COL27A1: variants seen among roughly 807,000 people sequenced by gnomAD.
COL27A1 encodes collagen type XXVII alpha 1 chain.
In COL27A1, 106 loss-of-function variants were observed where a neutral mutation model predicts 251.3. The ratio of observed to expected loss-of-function variants is 0.42; its 90% CI spans 0.36 to 0.50. COL27A1 has a LOEUF of 0.50. Ranked by LOEUF, COL27A1 falls within the 20% of genes least tolerant of loss-of-function variation. The probability of loss-of-function intolerance (pLI) is 0.00; values close to 1 mark genes in which losing one functional copy is unlikely to be tolerated. For synonymous variants in COL27A1, 1,000 were observed against 986.3 expected (o/e 1.01, Z -0.26); for missense variants, 2,325 against 2,522.8 (o/e 0.92, Z 1.68).
chr9:114,185,696 A>G (rs1304653302), intron 5 of COL27A1, among the ~76,000 whole-genome samples: 1 of 152,240 alleles, frequency 6.6e-6, no homozygotes, highest in African/African-American at 2.4e-5. Flanking sequence ...CTCTTCCAGC[A>G]TGGTGTCTGG....
At chr9:114,201,774 G>C (rs1829596812) in intron 7 of COL27A1, among the ~76,000 whole-genome samples, 1 of 152,162 alleles carries the variant, frequency 6.6e-6, no homozygotes, top group South Asian at 2.1e-4. Context: ...CCTGAATAAT[G>C]CTGCAATGAT....
chr9:114,294,011 G>T (rs1169109424), intron 49 of COL27A1, among the ~76,000 whole-genome samples: 1 of 151,822 alleles, frequency 6.6e-6, no homozygotes, highest in African/African-American at 2.4e-5. Context: ...GGCCGAGGTG[G>T]GTGGATCACG....
At chr9:114,300,816 G>C (rs1268003035) in intron 51 of COL27A1, 129 bp downstream of exon 51, 12 of 826,878 alleles carry the variant, frequency 1.5e-5, no homozygotes, top group Non-Finnish European at 2.2e-5. Context: ...CACAGGCCTG[G>C]TTCCCACCTT....
intron 2 of COL27A1, among the ~76,000 whole-genome samples, chr9:114,165,932 A>G (rs1192253264): frequency 1.4e-5 from 2 of 146,936 alleles, no homozygotes; most frequent in Admixed American, 1.4e-4. Flanking sequence ...ACAGCCAGCC[A>G]GCCATCATCC....
intron 37 of COL27A1, 39 bp downstream of exon 37, chr9:114,275,807 G>A (rs1296648454): frequency 7.2e-7 from 1 of 1,395,760 alleles, no homozygotes; most frequent in Non-Finnish European, 9.8e-7. Context: ...GGAGCTCTGG[G>A]GTACCCTGAA....
At position 114,303,747 on chromosome 9, in the gene COL27A1, T is replaced by C. The variant is rs112425213; in HGVS notation, c.4873-861T>C. Among the ~76,000 whole-genome samples, 431 of 152,266 alleles carry C rather than the reference T, an allele frequency of 2.8e-3. 1 individual carries two copies. The highest frequency in any genetic ancestry group is 9.8e-3 in the African/African-American group (407 of 41,546). ...CGTTCTGGACCCCAGGCCTCAGCTTTTGCTGTTTTCATGGCAAGACCACGG... is the reference window on the plus strand; with the variant it reads ...CGTTCTGGACCCCAGGCCTCAGCTTCTGCTGTTTTCATGGCAAGACCACGG... On this transcript the variant is annotated intron_variant, in intron 56 of 60. Coordinates refer to ENST00000356083, the MANE Select transcript of COL27A1 (RefSeq NM_032888.4).
intron 18 of COL27A1, among the ~76,000 whole-genome samples, chr9:114,237,254 C>A (rs529285373): frequency 6.6e-6 from 1 of 152,200 alleles, no homozygotes; most frequent in East Asian, 1.9e-4. Context: ...CCTCATTTGC[C>A]GACAAAGCTC....
At chr9:114,251,935 A>G (rs1269028839) in intron 25 of COL27A1, among the ~76,000 whole-genome samples, 2 of 152,240 alleles carry the variant, frequency 1.3e-5, no homozygotes, top group Non-Finnish European at 2.9e-5. Flanking sequence ...AGGGCTGCTC[A>G]CCATTGTATA....
In COL27A1 at chr9:114,173,665, C is replaced by T. The variant is rs139072376; in HGVS notation, c.1908+4202C>T. ...AAAATGGGGATACGGTGCCACCTAC[C>T]TTTCCAGGGTCGTTACATGGATTCA... On this transcript the variant is annotated intron_variant, in intron 3 of 60. Coordinates refer to ENST00000356083, the MANE Select transcript of COL27A1 (RefSeq NM_032888.4). Among the ~76,000 whole-genome samples the T allele has an allele frequency of 2.7e-3, 406 of 151,814 alleles. 2 individuals are homozygous for T. The highest frequency in any genetic ancestry group is 4.9e-3 in the Non-Finnish European group (330 of 67,970).
intron 27 of COL27A1, among the ~76,000 whole-genome samples, chr9:114,257,088 A>C (rs1564532486): frequency 6.6e-6 from 1 of 152,080 alleles, no homozygotes; most frequent in African/African-American, 2.4e-5. Flanking sequence ...CAGCTGTTGG[A>C]GGGTCTGCTG....
chr9:114,306,548 T>C lies in COL27A1; in HGVS notation c.4967T>C (p.Leu1656Pro), dbSNP rs145069844. 487 of 1,614,024 alleles carry C rather than the reference T, an allele frequency of 3.0e-4. No homozygotes were observed. The highest frequency in any genetic ancestry group is 3.9e-4 in the Non-Finnish European group (459 of 1,180,040). Reference protein sequence around the residue: ...ESYSYPDRLVLDQGGEIFKTL... With the variant: ...ESYSYPDRLVPDQGGEIFKTL... Reference sequence around the variant, plus strand: ...TACAGCTATCCAGACCGGCTGGTGCTGGACCAGGGAGGAGAGATCTTTAAA... The same window carrying C: ...TACAGCTATCCAGACCGGCTGGTGCCGGACCAGGGAGGAGAGATCTTTAAA... The change falls in exon 58 of 61, where the codon CTG becomes CCG. Residue 1656 changes from leucine to proline, a missense_variant. Physicochemically the swap from Leu to Pro is moderately conservative, Grantham distance 98. Transcript: ENST00000356083.
chr9:114,278,728 T>C (rs1013037844), intron 37 of COL27A1, among the ~76,000 whole-genome samples: 2 of 151,750 alleles, frequency 1.3e-5, no homozygotes, highest in African/African-American at 4.8e-5. Context: ...CCATTTCTCA[T>C]ATGCCGGGAT....
At position 114,301,269 on chromosome 9, in the gene COL27A1, C is replaced by G; in HGVS notation, c.4756-15C>G. 1.3e-6 allele frequency: 2 copies of G among 1,588,860 alleles called. No homozygotes were observed. The highest frequency in any genetic ancestry group is 1.1e-5 in the South Asian group (1 of 90,426). On this transcript the variant is annotated splice_polypyrimidine_tract_variant and intron_variant, in intron 52 of 60. Transcript: ENST00000356083. Reference sequence around the variant, plus strand: ...ACCTCTGGGCCCTGTCTCACTGGGCCGTGGTTTGTTGCAGGGTCCGAAGGG... The same window carrying G: ...ACCTCTGGGCCCTGTCTCACTGGGCGGTGGTTTGTTGCAGGGTCCGAAGGG...
chr9:114,223,428 TC>T (rs1359298493), intron 14 of COL27A1, among the ~76,000 whole-genome samples: 1 of 152,074 alleles, frequency 6.6e-6, no homozygotes, highest in Admixed American at 6.5e-5. Flanking sequence ...GGCCCAGATG[TC>T]CCCGTGGCCA....
At chr9:114,169,508 G>A (rs774321144) in intron 3 of COL27A1, 45 bp downstream of exon 3, 19 of 1,423,484 alleles carry the variant, frequency 1.3e-5, no homozygotes, top group Non-Finnish European at 1.8e-5. Context: ...CTCCAGTGGG[G>A]GACTGGGGCA....
chr9:114,282,371 C>T, intron 38 of COL27A1, 41 bp downstream of exon 38: 1 of 1,612,252 alleles, frequency 6.2e-7, no homozygotes, highest in Non-Finnish European at 8.5e-7. Context: ...GCGTCCCTCC[C>T]CCGCATCCCT....
intron 12 of COL27A1, among the ~76,000 whole-genome samples, chr9:114,215,967 C>T (rs1046905542): frequency 1.3e-5 from 2 of 152,176 alleles, no homozygotes; most frequent in African/African-American, 4.8e-5. Flanking sequence ...TGCTTCTCTG[C>T]CCCTGTATCC....
chr9:114,282,705 C>T, intron 39 of COL27A1, 141 bp downstream of exon 39: 1 of 593,434 alleles, frequency 1.7e-6, no homozygotes, highest in South Asian at 2.4e-5. Context: ...TTGCCCCAGC[C>T]ACCTCTCTGA....
intron 55 of COL27A1, 37 bp from the exon 56 acceptor site, chr9:114,302,044 TC>T (rs1244650265): frequency 3.1e-6 from 5 of 1,595,562 alleles, no homozygotes; most frequent in Middle Eastern, 1.7e-4. Context: ...CAGCACACTG[TC>T]CCTGTCATTT....
Sources: gnomAD v4.1 joint callset for allele counts (sites outside exome capture counted in the v4.1 genomes callset) on GRCh38, gnomAD v4.1.1 for gene constraint, MANE v1.5 for transcripts, NCBI Gene and HGNC (gene_info 2026-07-23, HGNC 2026-07-21) for gene names.